The following AKAP19 variants were observed in gnomAD, a reference collection of about 807,000 sequenced individuals.
AKAP19 encodes A-kinase anchoring protein 19, also known as small A-kinase anchoring protein.
chr2:189,987,733 A>G, the AKAP19 span, among the ~76,000 whole-genome samples: 2 of 152,166 alleles, frequency 1.3e-5, no homozygotes, highest in African/African-American at 4.8e-5. Context: ...GATCAAGGGG[A>G]TCTTTATAAT....
At chr2:190,195,598 C>G in the AKAP19 span, among the ~76,000 whole-genome samples, 1 of 152,190 alleles carries the variant, frequency 6.6e-6, no homozygotes, top group Non-Finnish European at 1.5e-5. Flanking sequence ...GCCCATTTTT[C>G]AATTAGCTTG....
chr2:190,046,140 T>C, the AKAP19 span, among the ~76,000 whole-genome samples: 1 of 151,564 alleles, frequency 6.6e-6, no homozygotes. Context: ...AGTCCCAGCG[T>C]GAGTACCTGG....
the AKAP19 span, among the ~76,000 whole-genome samples, chr2:190,189,162 T>C: frequency 2.0e-5 from 3 of 152,228 alleles, no homozygotes; most frequent in African/African-American, 7.2e-5. Flanking sequence ...ACAGGGGCAA[T>C]GAGAAGAAAG....
At chr2:190,131,308 A>G in the AKAP19 span, among the ~76,000 whole-genome samples, 2 of 152,312 alleles carry the variant, frequency 1.3e-5, no homozygotes, top group East Asian at 3.9e-4. Context: ...CATTCTCAGG[A>G]AAGGGAAGAG....
At chr2:189,940,378 G>A in the AKAP19 span, among the ~76,000 whole-genome samples, 4 of 151,816 alleles carry the variant, frequency 2.6e-5, no homozygotes, top group African/African-American at 4.8e-5. Flanking sequence ...CTCAGGAGGC[G>A]GAGCTTGCAG....
the AKAP19 span, among the ~76,000 whole-genome samples, chr2:189,956,170 T>TTTC: frequency 2.0e-4 from 1 of 5,048 alleles, no homozygotes; most frequent in Admixed American, 4.8e-3. Context: ...TATATTTTCT[T>TTTC]TTTTTTCTTT....
the AKAP19 span, chr2:190,057,195 T>C: frequency 6.3e-7 from 1 of 1,591,378 alleles, no homozygotes; most frequent in South Asian, 1.1e-5. Context: ...ATTTCACAGC[T>C]TCAAAATTGT....
the AKAP19 span, among the ~76,000 whole-genome samples, chr2:189,963,768 C>CT: frequency 0.17 from 24,130 of 145,402 alleles, 1,972 homozygotes; most frequent in Middle Eastern, 0.25. Context: ...TAATATATTT[C>CT]TTTTTTTTTT....
chr2:189,972,114 T>G, the AKAP19 span, among the ~76,000 whole-genome samples: 586 of 152,248 alleles, frequency 3.8e-3, 6 homozygotes, highest in African/African-American at 0.013. Flanking sequence ...TATGGTTTTA[T>G]GTCTAACATT....
the AKAP19 span, among the ~76,000 whole-genome samples, chr2:189,899,958 C>T: frequency 6.6e-6 from 1 of 152,022 alleles, no homozygotes; most frequent in Non-Finnish European, 1.5e-5. Flanking sequence ...TGTTTCTGTG[C>T]ACATATATAG....
chr2:190,138,856 G>A, the AKAP19 span, among the ~76,000 whole-genome samples: 2 of 152,160 alleles, frequency 1.3e-5, no homozygotes, highest in African/African-American at 2.4e-5. Flanking sequence ...AGACAATATA[G>A]GACTTAAGAG....
the AKAP19 span, among the ~76,000 whole-genome samples, chr2:189,918,894 C>G: frequency 6.6e-6 from 1 of 152,030 alleles, no homozygotes; most frequent in Non-Finnish European, 1.5e-5. Flanking sequence ...GTGAAAGAAC[C>G]CAGGTATAAA....
chr2:190,150,701 A>G, the AKAP19 span, among the ~76,000 whole-genome samples: 5 of 151,808 alleles, frequency 3.3e-5, no homozygotes, highest in Admixed American at 3.3e-4. Context: ...CGGAGCTGCA[A>G]TCTAGTCCTT....
the AKAP19 span, among the ~76,000 whole-genome samples, chr2:190,170,161 T>C: frequency 0.52 from 79,615 of 151,984 alleles, 21,530 homozygotes; most frequent in African/African-American, 0.64. Flanking sequence ...AGCAGGCTCT[T>C]GGGTTTCTGT....
chr2:190,048,342 G>T, the AKAP19 span, among the ~76,000 whole-genome samples: 3 of 152,144 alleles, frequency 2.0e-5, no homozygotes, highest in African/African-American at 7.2e-5. Flanking sequence ...GAAGCCATTT[G>T]CTATGTAGGC....
the AKAP19 span, among the ~76,000 whole-genome samples, chr2:189,989,790 T>G: frequency 0.93 from 141,213 of 152,172 alleles, 65,571 homozygotes; most frequent in East Asian, 0.96. Flanking sequence ...TGAGCAAGGT[T>G]GTTCAATAAG....
the AKAP19 span, chr2:190,202,441 A>G: frequency 6.0e-6 from 1 of 167,046 alleles, no homozygotes; most frequent in Admixed American, 6.5e-5. Context: ...ACAAATGAAA[A>G]AAGATGAATA....
the AKAP19 span, among the ~76,000 whole-genome samples, chr2:190,101,950 A>G: frequency 2.0e-5 from 3 of 152,208 alleles, no homozygotes; most frequent in East Asian, 1.9e-4. Context: ...ATGCTCTGCC[A>G]TAAAGCAAGT....
chr2:189,924,112 T>G, the AKAP19 span: 58 of 1,459,180 alleles, frequency 4.0e-5, no homozygotes, highest in Non-Finnish European at 5.0e-5. Context: ...ATGATGATAA[T>G]GAAGATGGGG....
Sources: allele counts gnomAD v4.1 joint callset (sites outside exome capture counted in the v4.1 genomes callset), GRCh38; gene constraint gnomAD v4.1.1; transcripts MANE v1.5; gene names NCBI Gene and HGNC (gene_info 2026-07-23, HGNC 2026-07-21).